The following RB1 variants were observed in gnomAD, a reference collection of about 807,000 sequenced individuals.
The protein encoded by RB1 is retinoblastoma-associated protein.
In RB1, 18 loss-of-function variants were observed where a neutral mutation model predicts 135.4. The observed-to-expected ratio is 0.13, with a 90% CI of 0.09 to 0.20. The LOEUF (loss-of-function observed/expected upper bound fraction) is 0.20, where lower values mean the gene tolerates loss of function less well. Among genes scored for constraint, RB1 ranks in the 10% least tolerant of loss-of-function variants. The pLI is 1.00. For synonymous variants in RB1, 365 were observed against 373.2 expected, an observed-to-expected ratio of 0.98 and a Z score of 0.25; for missense variants, 868 against 1,110.0, an observed-to-expected ratio of 0.78 and a Z score of 3.10.
At chr13:48,329,828 C>T (rs1385428705) in intron 2 of RB1, among the ~76,000 whole-genome samples, 5 of 152,070 alleles carry the variant, frequency 3.3e-5, no homozygotes, top group South Asian at 2.1e-4. Context: ...GGAATAGTAG[C>T]GCTGTCCTTC....
At chr13:48,363,177 T>G (rs1952659198) in intron 8 of RB1, among the ~76,000 whole-genome samples, 1 of 151,962 alleles carries the variant, frequency 6.6e-6, no homozygotes, top group Non-Finnish European at 1.5e-5. Context: ...GAAAAGTATA[T>G]AATCAAGACA....
chr13:48,431,620 A>C (rs776229264), intron 17 of RB1, among the ~76,000 whole-genome samples: 1 of 151,940 alleles, frequency 6.6e-6, no homozygotes, highest in Non-Finnish European at 1.5e-5. Flanking sequence ...ACATGTTTGG[A>C]AAATTTGAGG....
intron 4 of RB1, among the ~76,000 whole-genome samples, chr13:48,347,285 G>A (rs1392548828): frequency 6.6e-6 from 1 of 152,090 alleles, no homozygotes; most frequent in Non-Finnish European, 1.5e-5. Context: ...GTGGGAACTG[G>A]GAGCGAGCAT....
Position 48,457,537 on chromosome 13 carries a change from G to C in RB1, c.1960+1188G>C, listed in dbSNP as rs1949368349. ...GTGGGACTGGCAGCGCCCACCCCCA[G>C]CCTTCAGGCGCTCCCTGGCCTGAAG... On this transcript the variant is annotated intron_variant, in intron 19 of 26. Coordinates refer to ENST00000267163, the MANE Select transcript of RB1 (RefSeq NM_000321.3). Among the ~76,000 whole-genome samples, 4 of 152,268 alleles carry C rather than the reference G, an allele frequency of 2.6e-5. No homozygotes were observed. The South Asian group carries it at 8.3e-4, about 32-fold the overall frequency.
At chr13:48,448,451 G>A (rs190057068) in intron 17 of RB1, among the ~76,000 whole-genome samples, 1 of 152,062 alleles carries the variant, frequency 6.6e-6, no homozygotes, top group South Asian at 2.1e-4. Flanking sequence ...CCACCTTTAA[G>A]AATTATTTCT....
At chr13:48,360,616 A>AT (rs1952630993) in intron 7 of RB1, 1 of 158,540 alleles carries the variant, frequency 6.3e-6, no homozygotes, top group Non-Finnish European at 1.4e-5. Context: ...ATAACTATGT[A>AT]TTTTTTTGTA....
rs118050130 is a variant in RB1, at chr13:48,306,859, A to G, written c.138-421A>G. ...AAGATGTGCTAGTAGGTAGAGAGAT[A>G]TATGAAACATTGATAAGAGAAGACT... On this transcript the variant is annotated intron_variant, in intron 1 of 26. Transcript: ENST00000267163. Among the ~76,000 whole-genome samples, 1,002 of 152,338 alleles carry G rather than the reference A, an allele frequency of 6.6e-3. 19 individuals carry two copies. The highest frequency in any genetic ancestry group is 4.5e-3 in the Non-Finnish European group (309 of 68,022).
At chr13:48,365,050 C>T in intron 9 of RB1, 79 bp downstream of exon 9, 1 of 1,453,942 alleles carries the variant, frequency 6.9e-7, no homozygotes, top group Non-Finnish European at 9.2e-7. Context: ...TTTCTTAGAT[C>T]AATTTACTGT....
intron 2 of RB1, among the ~76,000 whole-genome samples, chr13:48,315,061 C>T (rs548762133): frequency 5.8e-4 from 88 of 151,620 alleles, no homozygotes; most frequent in Admixed American, 1.0e-3. Flanking sequence ...TTTCTTTTTC[C>T]TAACTCTGTG....
chr13:48,437,659 C>T (rs576879492), intron 17 of RB1, among the ~76,000 whole-genome samples: 2 of 152,274 alleles, frequency 1.3e-5, no homozygotes, highest in East Asian at 1.9e-4. Context: ...GCCATGTGAG[C>T]CTCTCCGTAG....
intron 8 of RB1, among the ~76,000 whole-genome samples, chr13:48,364,302 TA>T (rs1435233980): frequency 6.6e-6 from 1 of 152,186 alleles, no homozygotes; most frequent in Non-Finnish European, 1.5e-5. Flanking sequence ...ATGTAGATAC[TA>T]GTCTATTTTA....
chr13:48,477,319 T>C, intron 25 of RB1, 36 bp from the exon 26 acceptor site: 1 of 1,515,148 alleles, frequency 6.6e-7, no homozygotes, highest in Non-Finnish European at 9.1e-7. Flanking sequence ...CATTTATAAA[T>C]ACACATGAAA....
At chr13:48,328,632 G>A (rs1021596605) in intron 2 of RB1, 2 of 577,378 alleles carry the variant, frequency 3.5e-6, no homozygotes, top group East Asian at 6.0e-5. Context: ...TAAATAATTA[G>A]ATATAGAAAA....
At chr13:48,318,518 G>A (rs1284350695) in intron 2 of RB1, 8 of 991,982 alleles carry the variant, frequency 8.1e-6, no homozygotes, top group Non-Finnish European at 3.0e-6. Flanking sequence ...GAGTGTCGCC[G>A]GGCCCCTTGG....
chr13:48,367,149 A>G (rs1321368268), intron 9 of RB1, among the ~76,000 whole-genome samples: 1 of 151,080 alleles, frequency 6.6e-6, no homozygotes, highest in East Asian at 1.9e-4. Flanking sequence ...GATTAAAAGT[A>G]AAGCATATAT....
intron 3 of RB1, among the ~76,000 whole-genome samples, chr13:48,344,718 A>G (rs1264898976): frequency 6.6e-6 from 1 of 152,186 alleles, no homozygotes; most frequent in African/African-American, 2.4e-5. Context: ...AGAGTTACAA[A>G]TATAGAAAGG....
intron 6 of RB1, among the ~76,000 whole-genome samples, chr13:48,358,477 G>A (rs1316956808): frequency 6.6e-6 from 1 of 152,096 alleles, no homozygotes; most frequent in Non-Finnish European, 1.5e-5. Context: ...TTAGTCAGGA[G>A]GTAAGGGAGA....
rs746662122 is a variant in RB1 at position 48,303,981 on chromosome 13, G to A, written c.69G>A (p.Pro23=). The change falls in exon 1 of 27, where the codon CCG becomes CCA. Residue 23 remains proline (P), a synonymous_variant. Coordinates refer to ENST00000267163, the MANE Select transcript of RB1 (RefSeq NM_000321.3). ...AAAAAAEPPA[P]PPPPPPEEDP... is the part of the protein sequence containing the mutation. ...CTGCCGCCGCGGAACCCCCGGCACC[G>A]CCGCCGCCGCCCCCTCCTGAGGAGG... 9 of 1,491,240 alleles carry A rather than the reference G, an allele frequency of 6.0e-6. No individual in the cohort carries two copies. The highest frequency in any genetic ancestry group is 2.3e-4 in the Middle Eastern group (1 of 4,282). The allele number at this position is 1,491,240 out of a possible 1,614,324, so 92.4% of individuals were successfully genotyped here. A position where few individuals can be genotyped will look rare whatever the true frequency, so the allele number is the denominator to read the frequency against.
At chr13:48,360,968 A>G (rs1323200885) in intron 7 of RB1, among the ~76,000 whole-genome samples, 3 of 152,170 alleles carry the variant, frequency 2.0e-5, no homozygotes, top group African/African-American at 7.2e-5. Flanking sequence ...AAACTTTGTG[A>G]ACAAGAATTT....
Sources: gnomAD v4.1 joint callset for allele counts (sites outside exome capture counted in the v4.1 genomes callset) on GRCh38, gnomAD v4.1.1 for gene constraint, MANE v1.5 for transcripts, NCBI Gene and HGNC (gene_info 2026-07-23, HGNC 2026-07-21) for gene names.